The following XYLT1 variants were observed in gnomAD, a reference collection of about 807,000 sequenced individuals.
XYLT1 encodes the protein beta-D-xylosyltransferase 1.
A neutral mutation model predicts 91.3 loss-of-function variants in XYLT1; 36 were observed. The observed-to-expected ratio is 0.39, with a 90% confidence interval of 0.30 to 0.52. The LOEUF (loss-of-function observed/expected upper bound fraction) is 0.52, where lower values mean the gene tolerates loss of function less well. Among genes scored for constraint, XYLT1 ranks in the 20% least tolerant of loss-of-function variants. XYLT1 has a pLI of 0.68. For missense variants in XYLT1, 1,242 were observed against 1,284.5 expected (o/e 0.97, Z 0.51); for synonymous variants, 588 against 532.0 (o/e 1.11, Z -1.45).
chr16:17,247,111 A>G lies in XYLT1; in HGVS notation c.913+11877T>C, dbSNP rs531844804. 4.6e-5 allele frequency among the ~76,000 whole-genome samples: 7 copies of G among 151,662 alleles called. No individual in the cohort carries two copies. In the South Asian group the frequency reaches 1.0e-3, roughly 23 times the overall value. ...GTTGACTTATGCAGAAAGGAGAGAT[A>G]GCTAGTCTTTTCACTCTAGGGCTTA... On this transcript the variant is annotated intron_variant, in intron 3 of 11. Transcript: ENST00000261381.
intron 2 of XYLT1, among the ~76,000 whole-genome samples, chr16:17,309,266 G>A (rs1483928082): frequency 1.3e-5 from 2 of 152,112 alleles, no homozygotes; most frequent in Non-Finnish European, 2.9e-5. Flanking sequence ...TCCGTCCCCC[G>A]TAGTTGTAAC....
At chr16:17,235,862 T>C (rs1280648354) in intron 3 of XYLT1, among the ~76,000 whole-genome samples, 1 of 152,120 alleles carries the variant, frequency 6.6e-6, no homozygotes, top group Non-Finnish European at 1.5e-5. Flanking sequence ...TATTACTTAA[T>C]CATTGTTATT....
chr16:17,117,570 T>C lies in XYLT1; in HGVS notation c.2557+76A>G, dbSNP rs112543747. 1,459 of 1,492,982 alleles carry C rather than the reference T, an allele frequency of 9.8e-4. 24 individuals are homozygous for C. The African/African-American group carries it at 0.019, about 19-fold the overall frequency. The allele number at this position is 1,492,982 out of a possible 1,614,324, so 92.5% of individuals were successfully genotyped here. A position where few individuals can be genotyped will look rare whatever the true frequency, so the allele number is the denominator to read the frequency against. Reference sequence around the variant, plus strand: ...TGCTTACCCTATGTCTGAGCAGTGCTGCCTACCAACACCAAAGACCCTCAA... The same window carrying C: ...TGCTTACCCTATGTCTGAGCAGTGCCGCCTACCAACACCAAAGACCCTCAA... On this transcript the variant is annotated intron_variant, in intron 11 of 11. Coordinates refer to ENST00000261381, the MANE Select transcript of XYLT1 (RefSeq NM_022166.4).
At chr16:17,457,597 C>T (rs1335159290) in intron 1 of XYLT1, among the ~76,000 whole-genome samples, 1 of 152,180 alleles carries the variant, frequency 6.6e-6, no homozygotes, top group East Asian at 1.9e-4. Flanking sequence ...AAGAGAAAAT[C>T]AGACGTCACA....
chr16:17,213,579 T>C (rs370359048), intron 3 of XYLT1, among the ~76,000 whole-genome samples: 84 of 152,262 alleles, frequency 5.5e-4, no homozygotes, highest in Non-Finnish European at 9.6e-4. Flanking sequence ...ATGGGGACTT[T>C]TAACCCCTGA....
chr16:17,300,457 T>TTTTC (rs2034378151), intron 2 of XYLT1, among the ~76,000 whole-genome samples: 1 of 122,392 alleles, frequency 8.2e-6, no homozygotes, highest in African/African-American at 3.3e-5. Context: ...TCTTTCTTTT[T>TTTTC]TTTTTTTTTT....
At chr16:17,400,632 G>A (rs905538192) in intron 1 of XYLT1, among the ~76,000 whole-genome samples, 3 of 64,598 alleles carry the variant, frequency 4.6e-5, no homozygotes, top group African/African-American at 1.8e-4. Flanking sequence ...AGGAAGGGAG[G>A]AAGGAAGGAA....
chr16:17,361,620 A>C (rs1239640890), intron 1 of XYLT1, among the ~76,000 whole-genome samples: 1 of 152,196 alleles, frequency 6.6e-6, no homozygotes, highest in Non-Finnish European at 1.5e-5. Context: ...CTCTATTATT[A>C]CATCAAGCAA....
At position 17,259,475 on chromosome 16, in the gene XYLT1, C is replaced by A; in HGVS notation, c.426G>T (p.Pro142=). The A allele has an allele frequency of 6.2e-7, 1 of 1,609,264 alleles. No homozygotes were observed. The highest frequency in any genetic ancestry group is 1.1e-5 in the South Asian group (1 of 91,020). The change falls in exon 3 of 12, where the codon CCG becomes CCT. Residue 142 remains proline (P), a synonymous_variant. Transcript: ENST00000261381. ...ETQDGYFSHR[P]KEKVRTDSNN... is the part of the protein sequence containing the mutation. ...TGCTGTCTGTTCGCACTTTCTCTTT[C>A]GGCCGATGAGAAAAGTAGCCATCCT...
chr16:17,287,609 G>A (rs1217971759), intron 2 of XYLT1, among the ~76,000 whole-genome samples: 1 of 152,214 alleles, frequency 6.6e-6, no homozygotes, highest in Non-Finnish European at 1.5e-5. Flanking sequence ...TCAGCCAAAA[G>A]CTTGCCTCTG....
At chr16:17,341,307 G>A (rs2035060673) in intron 2 of XYLT1, among the ~76,000 whole-genome samples, 1 of 152,120 alleles carries the variant, frequency 6.6e-6, no homozygotes, top group Non-Finnish European at 1.5e-5. Flanking sequence ...AATCTTTATT[G>A]AACAGCTACT....
chr16:17,117,801 G>T lies in XYLT1; in HGVS notation c.2402C>A (p.Ser801Tyr). 1 of 1,614,156 alleles carries T rather than the reference G, an allele frequency of 6.2e-7. No individual in the cohort carries two copies. Among genetic ancestry groups the T allele is most frequent in the Non-Finnish European group, 8.5e-7 (1 of 1,180,020 alleles). ...IAATYDILIE[S>Y]TAEFTHYKPP... ...CTTGTAGTGTGTGAATTCGGCAGTG[G>T]ACTCAATGAGGATGTCGTAGGTGGC... Residue 801 changes from serine (S) to tyrosine (Y), a missense_variant, in exon 11 of 12, where the codon TCC (serine) becomes TAC (tyrosine). Coordinates refer to ENST00000261381, the MANE Select transcript of XYLT1 (RefSeq NM_022166.4).
intron 1 of XYLT1, among the ~76,000 whole-genome samples, chr16:17,467,748 T>G (rs1486254296): frequency 6.6e-6 from 1 of 152,080 alleles, no homozygotes; most frequent in Non-Finnish European, 1.5e-5. Flanking sequence ...GCTTAGGAAA[T>G]GCCCTATACA....
intron 10 of XYLT1, among the ~76,000 whole-genome samples, chr16:17,120,657 C>T (rs1440273018): frequency 6.6e-6 from 1 of 151,942 alleles, no homozygotes; most frequent in Non-Finnish European, 1.5e-5. Flanking sequence ...TCTCCTGACC[C>T]CCACAGTACT....
At chr16:17,259,638 T>G (rs1211056757) in intron 2 of XYLT1, 140 bp from the exon 3 acceptor site, 5 of 1,001,840 alleles carry the variant, frequency 5.0e-6, no homozygotes, top group East Asian at 5.1e-5. Context: ...TGGTTTAACC[T>G]CTGGTAAGAT....
At chr16:17,274,443 A>G (rs1567352065) in intron 2 of XYLT1, among the ~76,000 whole-genome samples, 2 of 152,028 alleles carry the variant, frequency 1.3e-5, no homozygotes, top group Non-Finnish European at 2.9e-5. Flanking sequence ...TTGGGTGTCC[A>G]CTCCCTGACA....
intron 6 of XYLT1, among the ~76,000 whole-genome samples, chr16:17,151,227 A>G (rs568011286): frequency 1.3e-5 from 2 of 152,194 alleles, no homozygotes; most frequent in African/African-American, 4.8e-5. Flanking sequence ...AGAGTTTGAG[A>G]CCAGCCTGGA....
chr16:17,172,111 C>T (rs7187355), intron 5 of XYLT1, among the ~76,000 whole-genome samples: 131,412 of 152,236 alleles, frequency 0.86, 57,459 homozygotes, highest in Non-Finnish European at 0.94. Context: ...CATGGGTACT[C>T]GGTGTACAGT....
intron 2 of XYLT1, among the ~76,000 whole-genome samples, chr16:17,336,819 G>C (rs112287831): frequency 0.013 from 1,916 of 152,310 alleles, 35 homozygotes; most frequent in African/African-American, 0.044. Context: ...CTCTTCAGGG[G>C]CCAGAAACCC....
Sources: gnomAD v4.1 joint callset for allele counts (sites outside exome capture counted in the v4.1 genomes callset) on GRCh38, gnomAD v4.1.1 for gene constraint, MANE v1.5 for transcripts, NCBI Gene and HGNC (gene_info 2026-07-23, HGNC 2026-07-21) for gene names.